CNTNAP2: variants seen among roughly 807,000 people sequenced by gnomAD.
CNTNAP2 encodes contactin-associated protein-like 2.
In CNTNAP2, 98 loss-of-function variants were observed where a neutral mutation model predicts 155.2. The ratio of observed to expected loss-of-function variants is 0.63; its 90% CI spans 0.54 to 0.75. The LOEUF (loss-of-function observed/expected upper bound fraction) is 0.75, where lower values mean the gene tolerates loss of function less well. CNTNAP2 is among the 30% of genes least tolerant of loss of function. CNTNAP2 has a pLI of 0.00. For missense variants in CNTNAP2, 1,727 were observed against 1,688.1 expected (o/e 1.02, Z -0.40); for synonymous variants, 651 against 631.2 (o/e 1.03, Z -0.47).
chr7:146,884,092 T>C (rs1795607692), intron 3 of CNTNAP2, among the ~76,000 whole-genome samples: 1 of 152,096 alleles, frequency 6.6e-6, no homozygotes, highest in African/African-American at 2.4e-5. Flanking sequence ...TGTCCCTGGG[T>C]ATATGCAGGG....
At chr7:147,995,951 C>T (rs1167210804) in intron 15 of CNTNAP2, among the ~76,000 whole-genome samples, 1 of 152,160 alleles carries the variant, frequency 6.6e-6, no homozygotes, top group African/African-American at 2.4e-5. Flanking sequence ...TTGCAAAGTC[C>T]AGTGAAAATG....
chr7:147,832,563 T>G (rs920885354), intron 13 of CNTNAP2, among the ~76,000 whole-genome samples: 1 of 146,220 alleles, frequency 6.8e-6, no homozygotes, highest in Non-Finnish European at 1.5e-5. Context: ...TATTGAAATA[T>G]ATTATATTGA....
chr7:147,307,008 T>A (rs1189277155), intron 9 of CNTNAP2, among the ~76,000 whole-genome samples: 1 of 152,244 alleles, frequency 6.6e-6, no homozygotes, highest in African/African-American at 2.4e-5. Context: ...ATTACATGTA[T>A]TTAAGAATAA....
intron 11 of CNTNAP2, among the ~76,000 whole-genome samples, chr7:147,491,858 C>T (rs1798614930): frequency 6.6e-6 from 1 of 151,982 alleles, no homozygotes. Flanking sequence ...CAAAAACTAC[C>T]ACAAGACATT....
intron 1 of CNTNAP2, among the ~76,000 whole-genome samples, chr7:146,131,817 G>A (rs1797718525): frequency 6.6e-6 from 1 of 152,114 alleles, no homozygotes; most frequent in Non-Finnish European, 1.5e-5. Context: ...GAGGGAGGGA[G>A]GTAATTGGAT....
chr7:147,223,726 A>G (rs2062198860), intron 8 of CNTNAP2, among the ~76,000 whole-genome samples: 1 of 152,130 alleles, frequency 6.6e-6, no homozygotes, highest in South Asian at 2.1e-4. Context: ...GCGGATCATG[A>G]GGTCAGGAGA....
chr7:146,952,581 C>T (rs2129228307), intron 3 of CNTNAP2, among the ~76,000 whole-genome samples: 1 of 152,228 alleles, frequency 6.6e-6, no homozygotes, highest in Non-Finnish European at 1.5e-5. Flanking sequence ...TCGGCGAAGT[C>T]TCAGGATATA....
intron 9 of CNTNAP2, among the ~76,000 whole-genome samples, chr7:147,369,550 T>C (rs1476273784): frequency 6.6e-6 from 1 of 152,226 alleles, no homozygotes; most frequent in East Asian, 1.9e-4. Context: ...GAATCAGCAG[T>C]CTGTTTTTCC....
At chr7:147,469,301 A>G (rs1333811519) in intron 10 of CNTNAP2, among the ~76,000 whole-genome samples, 1 of 152,128 alleles carries the variant, frequency 6.6e-6, no homozygotes, top group Admixed American at 6.6e-5. Context: ...TTACAAAGGA[A>G]GTATTCTGCT....
intron 14 of CNTNAP2, among the ~76,000 whole-genome samples, chr7:147,974,890 C>T (rs781250229): frequency 4.7e-4 from 72 of 151,644 alleles, no homozygotes; most frequent in Non-Finnish European, 8.5e-4. Flanking sequence ...TTCATAATAG[C>T]CAAACACTGG....
intron 15 of CNTNAP2, among the ~76,000 whole-genome samples, chr7:147,985,318 C>T (rs1329163642): frequency 6.6e-6 from 1 of 151,302 alleles, no homozygotes; most frequent in African/African-American, 2.4e-5. Context: ...CTCTGGGGCT[C>T]TCCTTGGTTC....
In CNTNAP2 at chr7:148,420,421, A is replaced by G. The variant is rs1044549644; in HGVS notation, c.*4805A>G. 3.3e-5 allele frequency: 5 copies of G among 152,222 alleles called. No individual in the cohort carries two copies. Among genetic ancestry groups the G allele is most frequent in the Admixed American group, 2.6e-4 (4 of 15,284 alleles). The allele number at this position is 152,222 out of a possible 1,614,324, so 9.4% of individuals were successfully genotyped here. ...ATAAGTGGCATATAAATGTCATTCA[A>G]TGAAATGGGGAAATCACGTTGAGAA... On this transcript the variant is annotated 3_prime_UTR_variant, in exon 24 of 24. Coordinates refer to ENST00000361727, the MANE Select transcript of CNTNAP2 (RefSeq NM_014141.6).
In CNTNAP2 at chr7:148,418,329, C is replaced by T. The variant is rs1800039627; in HGVS notation, c.*2713C>T. ...CCGCCCAAGCTCTCAGTGCCTAATC[C>T]TGCTTTGTCATTCACATCTCACAAA... On this transcript the variant is annotated 3_prime_UTR_variant, in exon 24 of 24. Coordinates refer to ENST00000361727, the MANE Select transcript of CNTNAP2 (RefSeq NM_014141.6). The T allele has an allele frequency of 6.6e-6, 1 of 152,246 alleles. No individual in the cohort carries two copies. Among genetic ancestry groups the T allele is most frequent in the South Asian group, 2.1e-4 (1 of 4,836 alleles). The allele number at this position is 152,246 out of a possible 1,614,324, so 9.4% of individuals were successfully genotyped here. A position where few individuals can be genotyped will look rare whatever the true frequency, so the allele number is the denominator to read the frequency against.
At chr7:146,406,676 C>G (rs1795796658) in intron 1 of CNTNAP2, among the ~76,000 whole-genome samples, 2 of 152,106 alleles carry the variant, frequency 1.3e-5, no homozygotes, top group Non-Finnish European at 2.9e-5. Flanking sequence ...TGGGCTGAAC[C>G]TGGCATCACA....
At chr7:146,911,809 TA>T (rs959072086) in intron 3 of CNTNAP2, among the ~76,000 whole-genome samples, 12 of 151,676 alleles carry the variant, frequency 7.9e-5, no homozygotes, top group South Asian at 4.2e-4. Flanking sequence ...AGTATAATAA[TA>T]AAAAAAATAA....
At chr7:148,331,736 A>G (rs76332108) in intron 21 of CNTNAP2, among the ~76,000 whole-genome samples, 241 of 52,834 alleles carry the variant, frequency 4.6e-3, no homozygotes, top group Middle Eastern at 0.01. Flanking sequence ...GGATGGATGG[A>G]GTGGATGGAT....
chr7:148,061,114 A>T (rs771581497), intron 15 of CNTNAP2, among the ~76,000 whole-genome samples: 1 of 152,228 alleles, frequency 6.6e-6, no homozygotes, highest in Non-Finnish European at 1.5e-5. Flanking sequence ...TTGATCAAAG[A>T]CATTAATGAA....
Position 146,160,472 on chromosome 7 carries a change from A to C in CNTNAP2, c.97+43499A>C, listed in dbSNP as rs148349199. Among the ~76,000 whole-genome samples the C allele has an allele frequency of 9.8e-5, 15 of 152,322 alleles. No individual in the cohort carries two copies. In the East Asian group the frequency reaches 2.9e-3, roughly 29 times the overall value. On this transcript the variant is annotated intron_variant, in intron 1 of 23. Transcript: ENST00000361727. ...AAGACTGCTAGCAAGGCTAATAAAG[A>C]AGAAAAGAGAGAAGAATCAAATAGA...
At chr7:147,614,227 C>T (rs1254870374) in intron 12 of CNTNAP2, among the ~76,000 whole-genome samples, 1 of 152,076 alleles carries the variant, frequency 6.6e-6, no homozygotes, top group Non-Finnish European at 1.5e-5. Context: ...ATTTTTTCCA[C>T]CAGTTGCTCA....
Sources: allele counts gnomAD v4.1 joint callset (sites outside exome capture counted in the v4.1 genomes callset), GRCh38; gene constraint gnomAD v4.1.1; transcripts MANE v1.5; gene names NCBI Gene and HGNC (gene_info 2026-07-23, HGNC 2026-07-21).